Variants in MLIP observed in about 807,000 individuals in gnomAD.
MLIP encodes the protein muscular LMNA-interacting protein.
MLIP carries 79 observed loss-of-function variants against 84.8 expected under a neutral mutation model. The observed-to-expected ratio is 0.93, with a 90% CI of 0.78 to 1.12. The LOEUF is 1.12. Ranked by LOEUF, MLIP falls within the 50% of genes most tolerant of loss-of-function variation. The probability of loss-of-function intolerance (pLI) is 0.00; values close to 1 mark genes in which losing one functional copy is unlikely to be tolerated. For missense variants in MLIP, 1,257 were observed against 1,160.6 expected (o/e 1.08, Z -1.21); for synonymous variants, 504 against 463.0 (o/e 1.09, Z -1.14).
intron 11 of MLIP, 58 bp downstream of exon 11, chr6:54,202,291 TATATATAA>T: frequency 1.6e-4 from 2 of 12,332 alleles, no homozygotes; most frequent in African/African-American, 2.7e-4. Flanking sequence ...ATATATAAAA[TATATATAA>T]ATATATAAAT....
intron 11 of MLIP, among the ~76,000 whole-genome samples, chr6:54,224,582 T>A (rs1306146633): frequency 1.3e-5 from 2 of 152,072 alleles, no homozygotes; most frequent in Non-Finnish European, 2.9e-5. Context: ...TTTATTATTA[T>A]TATTATTTTA....
Position 54,137,705 on chromosome 6 carries a change from A to C in MLIP, c.1636A>C (p.Ser546Arg). 3.3e-6 allele frequency: 5 copies of C among 1,536,046 alleles called. No individual in the cohort carries two copies. Among genetic ancestry groups the C allele is most frequent in the Non-Finnish European group, 4.4e-6 (5 of 1,146,872 alleles). Residue 546 changes from serine (S) to arginine (R), a missense_variant, in exon 4 of 14, where the codon AGT (serine) becomes CGT (arginine). Transcript: ENST00000502396. ...CTCCCTGCTACAAACCAGTACATCC[A>C]GTTCTGTGGGTCTTCCTCCTGTTCC... ...MLSLLQTSTS[S>R]SVGLPPVPPS...
intron 11 of MLIP, among the ~76,000 whole-genome samples, chr6:54,211,108 C>T (rs913829891): frequency 3.3e-5 from 5 of 152,000 alleles, no homozygotes; most frequent in Non-Finnish European, 7.4e-5. Flanking sequence ...GGCGTGGTGG[C>T]GGGTGCCTAT....
In MLIP at chr6:54,136,538, T is replaced by C. The variant is rs554627944; in HGVS notation, c.646-177T>C. On this transcript the variant is annotated intron_variant, in intron 3 of 13. Coordinates refer to ENST00000502396, the MANE Select transcript of MLIP (RefSeq NM_001281747.2). Reference sequence around the variant, plus strand: ...TAATGCTTCACAGCTTATTTGTATCTTATTTCGAATTCAGAGCAAGGCCTC... The same window carrying C: ...TAATGCTTCACAGCTTATTTGTATCCTATTTCGAATTCAGAGCAAGGCCTC... Among the ~76,000 whole-genome samples, 67 of 152,350 alleles carry C rather than the reference T, an allele frequency of 4.4e-4. 1 individual carries two copies. The South Asian group carries it at 0.013, about 30-fold the overall frequency.
intron 10 of MLIP, among the ~76,000 whole-genome samples, chr6:54,190,720 T>C (rs10046453): frequency 0.031 from 4,783 of 152,206 alleles, 220 homozygotes; most frequent in African/African-American, 0.11. Flanking sequence ...TAGAGTTTTG[T>C]ATTTCTTATG....
chr6:54,035,931 C>T (rs1764411238), intron 1 of MLIP, among the ~76,000 whole-genome samples: 1 of 151,986 alleles, frequency 6.6e-6, no homozygotes, highest in African/African-American at 2.4e-5. Flanking sequence ...GTCTTTCATC[C>T]TCTTAACAGA....
chr6:54,023,000 T>C (rs1409641957), intron 1 of MLIP, among the ~76,000 whole-genome samples: 1 of 151,840 alleles, frequency 6.6e-6, no homozygotes, highest in Non-Finnish European at 1.5e-5. Context: ...ACACCATCTC[T>C]ACTAAAAATA....
intron 1 of MLIP, among the ~76,000 whole-genome samples, chr6:54,034,687 A>G (rs1202746772): frequency 6.6e-6 from 1 of 152,172 alleles, no homozygotes; most frequent in Admixed American, 6.5e-5. Flanking sequence ...AAATGTAAAA[A>G]GTACATAAAG....
At position 54,188,553 on chromosome 6, in the gene MLIP, G is replaced by A. The variant is rs924602681; in HGVS notation, c.2545-1317G>A. On this transcript the variant is annotated intron_variant, in intron 9 of 13. Coordinates refer to ENST00000502396, the MANE Select transcript of MLIP (RefSeq NM_001281747.2). ...TACACAGAGTCAAGATAATTAAGAC[G>A]TTACTAGGTGACAGGAATATTTTTG... 3.3e-5 allele frequency among the ~76,000 whole-genome samples: 5 copies of A among 151,998 alleles called. No individual in the cohort carries two copies. The South Asian group carries it at 1.0e-3, about 32-fold the overall frequency.
At position 54,234,342 on chromosome 6, in the gene MLIP, G is replaced by A. The variant is rs189036623; in HGVS notation, c.2922+3425G>A. Among the ~76,000 whole-genome samples the A allele has an allele frequency of 3.8e-3, 572 of 152,154 alleles. 3 individuals are homozygous for A. The highest frequency in any genetic ancestry group is 6.0e-3 in the Non-Finnish European group (411 of 67,994). On this transcript the variant is annotated intron_variant, in intron 12 of 13. Coordinates refer to ENST00000502396, the MANE Select transcript of MLIP (RefSeq NM_001281747.2). ...TTATGAAAATAAAATTTACGAATATGCGTAAAAGTGCCTGAAGATAATGAA... is the reference window on the plus strand; with the variant it reads ...TTATGAAAATAAAATTTACGAATATACGTAAAAGTGCCTGAAGATAATGAA...
intron 1 of MLIP, among the ~76,000 whole-genome samples, chr6:54,072,367 G>A (rs1314527802): frequency 6.6e-6 from 1 of 152,068 alleles, no homozygotes; most frequent in Non-Finnish European, 1.5e-5. Flanking sequence ...CTCACTTGAT[G>A]GTTTGCAATC....
intron 9 of MLIP, among the ~76,000 whole-genome samples, chr6:54,172,651 G>C (rs1325579340): frequency 1.3e-5 from 2 of 150,910 alleles, no homozygotes; most frequent in African/African-American, 4.9e-5. Context: ...AAAATAACAA[G>C]AAAGTGTATG....
chr6:54,029,664 A>G (rs1208349736), intron 1 of MLIP, among the ~76,000 whole-genome samples: 1 of 152,152 alleles, frequency 6.6e-6, no homozygotes, highest in East Asian at 1.9e-4. Context: ...CATACTATAT[A>G]CTATGTGAAA....
At chr6:54,169,407 T>C in intron 8 of MLIP, 121 bp from the exon 9 acceptor site, 1 of 532,338 alleles carries the variant, frequency 1.9e-6, no homozygotes. Flanking sequence ...AATGATATTG[T>C]ATAGAGAGAG....
In MLIP at chr6:54,121,507, A is replaced by C; in HGVS notation, c.157A>C (p.Arg53=). 6.2e-7 allele frequency: 1 copy of C among 1,614,152 alleles called. No individual in the cohort carries two copies. Among genetic ancestry groups the C allele is most frequent in the Non-Finnish European group, 8.5e-7 (1 of 1,180,004 alleles). Residue 53 remains arginine, a synonymous_variant, in exon 2 of 14, where the codon AGA becomes CGA. Transcript: ENST00000502396. ...CTTCACATTTGTCCCCACTGTCAGA[A>C]GACTACCAACCCATACTCAGTTGGC... The part of the protein sequence containing the change: ...LIFTFVPTVR[R]LPTHTQLADT...
intron 8 of MLIP, among the ~76,000 whole-genome samples, chr6:54,162,259 A>G (rs985317780): frequency 6.6e-6 from 1 of 152,032 alleles, no homozygotes; most frequent in Non-Finnish European, 1.5e-5. Flanking sequence ...TTGATCAGGA[A>G]TAATAGCTTT....
chr6:54,090,113 A>G (rs1302321661), intron 1 of MLIP, among the ~76,000 whole-genome samples: 2 of 151,722 alleles, frequency 1.3e-5, no homozygotes, highest in South Asian at 4.2e-4. Flanking sequence ...TTTCTTTCTT[A>G]TGCTTTTGGA....
In MLIP at chr6:54,202,142, C is replaced by A. The variant is rs373617549; in HGVS notation, c.2627C>A (p.Ser876Tyr). ...PGVIRPVPVKSRILLKKEEEV... is the reference protein window; with the variant it reads ...PGVIRPVPVKYRILLKKEEEV... ...GTAATTCGCCCAGTACCTGTAAAAT[C>A]CAGAATATTACTGAAAAAAGAGGAG... is the stretch of plus-strand genomic sequence containing the variant. Residue 876 changes from serine to tyrosine, a missense_variant, in exon 11 of 14, where the codon TCC becomes TAC. Ser to Tyr is a moderately radical substitution (Grantham distance 144). Coordinates refer to ENST00000502396, the MANE Select transcript of MLIP (RefSeq NM_001281747.2). 2.1e-5 allele frequency: 34 copies of A among 1,602,280 alleles called. No homozygotes were observed. Among genetic ancestry groups the A allele is most frequent in the East Asian group, 4.5e-5 (2 of 44,476 alleles).
intron 1 of MLIP, among the ~76,000 whole-genome samples, chr6:54,073,746 A>G (rs909912454): frequency 3.3e-5 from 5 of 152,240 alleles, no homozygotes; most frequent in African/African-American, 9.6e-5. Flanking sequence ...AGGACAGCTC[A>G]CAAATCTGAA....
Sources: gnomAD v4.1 joint callset for allele counts (sites outside exome capture counted in the v4.1 genomes callset) on GRCh38, gnomAD v4.1.1 for gene constraint, MANE v1.5 for transcripts, NCBI Gene and HGNC (gene_info 2026-07-23, HGNC 2026-07-21) for gene names.